Variants in QTMAN observed in about 807,000 individuals in gnomAD.
QTMAN encodes the protein queuosine-tRNA mannosyltransferase, also known as tRNA-queuosine alpha-mannosyltransferase.
the QTMAN span, among the ~76,000 whole-genome samples, chr2:144,107,304 C>G: frequency 9.1e-4 from 139 of 152,140 alleles, 1 homozygote; most frequent in Admixed American, 2.6e-3. Context: ...TTCAAAAAAT[C>G]AATGAATGCA....
chr2:144,133,260 T>TTC, the QTMAN span, among the ~76,000 whole-genome samples: 1 of 63,792 alleles, frequency 1.6e-5, no homozygotes, highest in African/African-American at 9.0e-5. Context: ...TATATAAATA[T>TTC]ATATAAATAT....
At chr2:144,316,233 T>C in the QTMAN span, among the ~76,000 whole-genome samples, 2 of 149,542 alleles carry the variant, frequency 1.3e-5, no homozygotes, top group Non-Finnish European at 3.0e-5. Context: ...TGAAACCCTA[T>C]CTCAAAAAAA....
the QTMAN span, among the ~76,000 whole-genome samples, chr2:144,008,117 T>C: frequency 6.6e-6 from 1 of 152,110 alleles, no homozygotes; most frequent in Non-Finnish European, 1.5e-5. Flanking sequence ...CTGTTACTTA[T>C]CGATAGAGAA....
At chr2:144,193,014 T>C in the QTMAN span, among the ~76,000 whole-genome samples, 8 of 152,334 alleles carry the variant, frequency 5.3e-5, no homozygotes, top group East Asian at 7.7e-4. Context: ...AGATGATGTA[T>C]AAATGTGAAA....
the QTMAN span, among the ~76,000 whole-genome samples, chr2:144,165,774 T>C: frequency 6.6e-6 from 1 of 152,196 alleles, no homozygotes; most frequent in Non-Finnish European, 1.5e-5. Flanking sequence ...CTGAGAGTCA[T>C]CTCCTTTGAC....
the QTMAN span, among the ~76,000 whole-genome samples, chr2:144,293,274 T>C: frequency 4.0e-5 from 6 of 151,776 alleles, no homozygotes; most frequent in Non-Finnish European, 5.9e-5. Flanking sequence ...AGAGAAAGAA[T>C]GGCTACAAAG....
chr2:144,061,916 G>A, the QTMAN span, among the ~76,000 whole-genome samples: 10 of 152,040 alleles, frequency 6.6e-5, no homozygotes, highest in South Asian at 2.1e-4. Context: ...GATTGGCTGC[G>A]GGATTGCCGA....
chr2:144,081,369 A>T, the QTMAN span, among the ~76,000 whole-genome samples: 1 of 152,200 alleles, frequency 6.6e-6, no homozygotes. Context: ...TCCTTCTTCC[A>T]CAAGAGTCCA....
chr2:144,256,493 C>T, the QTMAN span, among the ~76,000 whole-genome samples: 6,578 of 152,116 alleles, frequency 0.043, 221 homozygotes, highest in South Asian at 0.11. Context: ...AAAGACCTCT[C>T]AATATAAAAA....
chr2:143,995,679 G>C, the QTMAN span, among the ~76,000 whole-genome samples: 2 of 152,130 alleles, frequency 1.3e-5, no homozygotes, highest in Non-Finnish European at 2.9e-5. Flanking sequence ...GGCTATAATT[G>C]CTGCCTATAG....
chr2:144,041,042 TTCAC>T, the QTMAN span, among the ~76,000 whole-genome samples: 21 of 152,360 alleles, frequency 1.4e-4, no homozygotes, highest in African/African-American at 4.8e-4. Context: ...CATTCATTCA[TTCAC>T]TCACTATGTC....
the QTMAN span, among the ~76,000 whole-genome samples, chr2:144,330,084 G>C: frequency 2.0e-5 from 3 of 152,218 alleles, no homozygotes; most frequent in Non-Finnish European, 2.9e-5. Context: ...TGAAATGCGA[G>C]ATTGGGCGTG....
the QTMAN span, among the ~76,000 whole-genome samples, chr2:144,133,200 T>C: frequency 1.5e-4 from 6 of 38,884 alleles, no homozygotes; most frequent in South Asian, 1.6e-3. Flanking sequence ...TTTATATATA[T>C]ATATTTATAT....
the QTMAN span, among the ~76,000 whole-genome samples, chr2:144,149,338 A>T: frequency 1.3e-5 from 2 of 151,982 alleles, no homozygotes; most frequent in Non-Finnish European, 2.9e-5. Context: ...TCTCAGCATG[A>T]AGATGTTATA....
At chr2:144,090,293 T>C in the QTMAN span, among the ~76,000 whole-genome samples, 1 of 152,056 alleles carries the variant, frequency 6.6e-6, no homozygotes, top group African/African-American at 2.4e-5. Context: ...GCTTTCCCTC[T>C]AAAATCAGGA....
At chr2:144,102,904 G>A in the QTMAN span, among the ~76,000 whole-genome samples, 1 of 152,106 alleles carries the variant, frequency 6.6e-6, no homozygotes, top group Non-Finnish European at 1.5e-5. Flanking sequence ...GGCAAAAGAG[G>A]TAAGGAAAAC....
At chr2:144,263,717 T>C in the QTMAN span, among the ~76,000 whole-genome samples, 1 of 152,152 alleles carries the variant, frequency 6.6e-6, no homozygotes, top group Non-Finnish European at 1.5e-5. Context: ...AGTGAGACTT[T>C]GTCTCCAAAA....
chr2:144,310,941 G>T, the QTMAN span, among the ~76,000 whole-genome samples: 5,994 of 152,194 alleles, frequency 0.039, 183 homozygotes, highest in Non-Finnish European at 0.06. Flanking sequence ...GGATATGATG[G>T]TATGTGTGTA....
chr2:143,975,578 A>G, the QTMAN span, among the ~76,000 whole-genome samples: 2 of 152,238 alleles, frequency 1.3e-5, no homozygotes, highest in Non-Finnish European at 2.9e-5. Context: ...CTGAGCACAC[A>G]GAAGACTCCA....
Sources: gnomAD v4.1 joint callset for allele counts (sites outside exome capture counted in the v4.1 genomes callset) on GRCh38, gnomAD v4.1.1 for gene constraint, MANE v1.5 for transcripts, NCBI Gene and HGNC (gene_info 2026-07-23, HGNC 2026-07-21) for gene names.